Variants in CYRIA observed in about 807,000 individuals in gnomAD.
The protein encoded by CYRIA is CYFIP-related Rac1 interactor A.
Under a neutral mutation model 43.9 loss-of-function variants are expected in CYRIA, and 15 were observed. That is an observed-to-expected ratio of 0.34 (90% CI 0.23 to 0.53). CYRIA has a LOEUF of 0.53. CYRIA is among the 20% of genes least tolerant of loss of function. The pLI is 0.94. For missense variants in CYRIA, 236 were observed against 394.2 expected (o/e 0.60, Z 3.40); for synonymous variants, 117 against 136.0 (o/e 0.86, Z 0.97).
intron 3 of CYRIA, 24 bp downstream of exon 3, chr2:16,588,026 A>G: frequency 6.7e-7 from 1 of 1,484,512 alleles, no homozygotes; most frequent in Non-Finnish European, 9.3e-7. Context: ...AAAAGTTTCC[A>G]TTATTATAAT....
chr2:16,589,976 G>GA (rs1667864358), intron 2 of CYRIA, among the ~76,000 whole-genome samples: 1 of 151,890 alleles, frequency 6.6e-6, no homozygotes, highest in African/African-American at 2.4e-5. Context: ...AACAGCGTTG[G>GA]AAAAATGAAT....
At chr2:16,566,544 G>A (rs997376450) in intron 3 of CYRIA, among the ~76,000 whole-genome samples, 104 of 152,300 alleles carry the variant, frequency 6.8e-4, no homozygotes, top group African/African-American at 2.5e-3. Flanking sequence ...AGGAGGTTTG[G>A]CAAAGACGTG....
chr2:16,631,984 C>T (rs1669341466), intron 1 of CYRIA, among the ~76,000 whole-genome samples: 1 of 152,176 alleles, frequency 6.6e-6, no homozygotes, highest in African/African-American at 2.4e-5. Context: ...GCGAACACCC[C>T]CTGAGTCCCA....
chr2:16,553,834 T>C (rs562789079), intron 11 of CYRIA, among the ~76,000 whole-genome samples: 13 of 152,092 alleles, frequency 8.5e-5, no homozygotes, highest in Non-Finnish European at 1.3e-4. Flanking sequence ...TTTTGCTTGA[T>C]TGAATGATGC....
chr2:16,559,648 C>T, intron 9 of CYRIA, 62 bp from the exon 10 acceptor site: 1 of 1,575,376 alleles, frequency 6.3e-7, no homozygotes. Context: ...TTCTTTGGCC[C>T]CACAACTGGA....
chr2:16,621,972 T>G (rs748269994), intron 2 of CYRIA, among the ~76,000 whole-genome samples: 1 of 152,178 alleles, frequency 6.6e-6, no homozygotes, highest in Non-Finnish European at 1.5e-5. Context: ...AGCACCAAGA[T>G]AGTGCGAGCC....
In CYRIA at chr2:16,640,208, C is replaced by A. The variant is rs1377249974; in HGVS notation, c.-166-16189G>T. Among the ~76,000 whole-genome samples the A allele has an allele frequency of 2.0e-5, 3 of 152,250 alleles. No homozygotes were observed. The East Asian group carries it at 5.8e-4, about 29-fold the overall frequency. ...TCATCAGCAATCCTACCAATGCCGACTAGATAGCAGCACTTTTATCCTTTT... is the reference window on the plus strand; with the variant it reads ...TCATCAGCAATCCTACCAATGCCGAATAGATAGCAGCACTTTTATCCTTTT... On this transcript the variant is annotated intron_variant, in intron 1 of 11. Transcript: ENST00000381323.
At chr2:16,554,178 T>C (rs1666419964) in intron 11 of CYRIA, among the ~76,000 whole-genome samples, 1 of 152,146 alleles carries the variant, frequency 6.6e-6, no homozygotes, top group Admixed American at 6.5e-5. Flanking sequence ...TGTACATAGG[T>C]AGAGCATTAT....
At chr2:16,651,080 G>T (rs1044244457) in intron 1 of CYRIA, among the ~76,000 whole-genome samples, 7 of 152,158 alleles carry the variant, frequency 4.6e-5, no homozygotes, top group Non-Finnish European at 1.0e-4. Context: ...TGCAGCAGCT[G>T]ATCTTTTTAC....
chr2:16,647,984 G>A (rs530045451), intron 1 of CYRIA, among the ~76,000 whole-genome samples: 3 of 152,188 alleles, frequency 2.0e-5, no homozygotes, highest in African/African-American at 4.8e-5. Flanking sequence ...TCATCCCCCT[G>A]ACCTCCCGGG....
Position 16,581,674 on chromosome 2 carries a change from A to G in CYRIA, c.70+6376T>C, listed in dbSNP as rs566461930. 7.9e-4 allele frequency among the ~76,000 whole-genome samples: 120 copies of G among 152,308 alleles called. 2 individuals are homozygous for G. Among genetic ancestry groups the G allele is most frequent in the African/African-American group, 2.8e-3 (115 of 41,578 alleles). Reference sequence around the variant, plus strand: ...GCTTTGGTTTCTTGAAAAGTTACATAGAACTACTCTATCACCGAGGAATTC... The same window carrying G: ...GCTTTGGTTTCTTGAAAAGTTACATGGAACTACTCTATCACCGAGGAATTC... On this transcript the variant is annotated intron_variant, in intron 3 of 11. Coordinates refer to ENST00000381323, the MANE Select transcript of CYRIA (RefSeq NM_030797.4).
intron 3 of CYRIA, among the ~76,000 whole-genome samples, chr2:16,568,548 A>G (rs1667027246): frequency 6.6e-6 from 1 of 151,490 alleles, no homozygotes; most frequent in Non-Finnish European, 1.5e-5. Flanking sequence ...GCAGTTTCTG[A>G]GTAAGGAAAG....
Position 16,561,440 on chromosome 2 carries a change from C to T in CYRIA, c.513+16G>A, listed in dbSNP as rs575505078. The T allele has an allele frequency of 2.1e-5, 34 of 1,612,064 alleles. No individual in the cohort carries two copies. The highest frequency in any genetic ancestry group is 3.3e-5 in the South Asian group (3 of 91,044). The stretch of plus-strand genomic sequence containing the variant: ...ATGGAGAAGGGTGCAAAGGTCAAGG[C>T]GACCCAGGGACTCACGTGCATGTTG... On this transcript the variant is annotated intron_variant, in intron 7 of 11. Transcript: ENST00000381323.
At chr2:16,614,129 C>A (rs1668697943) in intron 2 of CYRIA, among the ~76,000 whole-genome samples, 1 of 152,202 alleles carries the variant, frequency 6.6e-6, no homozygotes, top group African/African-American at 2.4e-5. Context: ...AAAACCCCCA[C>A]TTAAAATTAT....
chr2:16,562,287 C>T (rs779504378), intron 5 of CYRIA, 146 bp from the exon 6 acceptor site: 36 of 872,474 alleles, frequency 4.1e-5, no homozygotes, highest in South Asian at 1.6e-4. Context: ...TGCATGTGGA[C>T]GAGGAAGAGA....
Position 16,590,046 on chromosome 2 carries a change from A to ATATATTT in CYRIA, c.-10-1918_-10-1917insAAATATA, listed in dbSNP as rs1354690320. ...CTAGACATCTCTCACCTTGAGGTGT[A>ATATATTT]GGAATATATTTGGGCATGCATGCAC... On this transcript the variant is annotated intron_variant, in intron 2 of 11. Transcript: ENST00000381323. Among the ~76,000 whole-genome samples the ATATATTT allele has an allele frequency of 2.9e-4, 44 of 150,834 alleles. No homozygotes were observed. In the East Asian group the frequency reaches 8.2e-3, roughly 28 times the overall value.
chr2:16,650,394 T>C lies in CYRIA; in HGVS notation c.-167+15386A>G, dbSNP rs531276981. On this transcript the variant is annotated intron_variant, in intron 1 of 11. Transcript: ENST00000381323. This position sits in a 1 kb window ranked among gnomAD's most constrained non-coding sequence, Gnocchi z 4.1. ...TAGTATAAAACAAGACTGACTCACT[T>C]CAATATAAAAATCTCTGCAAACTGC... 6.6e-6 allele frequency among the ~76,000 whole-genome samples: 1 copy of C among 152,308 alleles called. No individual in the cohort carries two copies. Among genetic ancestry groups the C allele is most frequent in the South Asian group, 2.1e-4 (1 of 4,826 alleles).
chr2:16,600,291 C>T (rs1194841610), intron 2 of CYRIA, among the ~76,000 whole-genome samples: 2 of 152,236 alleles, frequency 1.3e-5, no homozygotes, highest in Non-Finnish European at 2.9e-5. Context: ...TCTGCTTTAT[C>T]TTCCTCAACA....
intron 1 of CYRIA, among the ~76,000 whole-genome samples, chr2:16,656,232 AC>A (rs1670108329): frequency 6.6e-6 from 1 of 151,314 alleles, no homozygotes; most frequent in African/African-American, 2.4e-5. Flanking sequence ...ACACACACAT[AC>A]CCACACTCAC....
Sources: gnomAD v4.1 joint callset for allele counts (sites outside exome capture counted in the v4.1 genomes callset) on GRCh38, gnomAD v4.1.1 for gene constraint, Gnocchi (gnomAD v3.1) non-coding constraint, MANE v1.5 for transcripts, NCBI Gene and HGNC (gene_info 2026-07-23, HGNC 2026-07-21) for gene names.